Variants in ARFGEF3 observed in about 807,000 individuals in gnomAD.
ARFGEF3 encodes the protein ARFGEF family member 3.
In ARFGEF3, 96 loss-of-function variants were observed where a neutral mutation model predicts 221.7. The ratio of observed to expected loss-of-function variants is 0.43; its 90% CI spans 0.37 to 0.51. ARFGEF3 has a LOEUF of 0.51. ARFGEF3 is among the 20% of genes least tolerant of loss of function. ARFGEF3 has a pLI of 0.00. For synonymous variants in ARFGEF3, 1,145 were observed against 1,126.8 expected (o/e 1.02, Z -0.32); for missense variants, 2,410 against 2,789.9 (o/e 0.86, Z 3.07).
At chr6:138,329,390 C>T (rs923392223) in intron 32 of ARFGEF3, among the ~76,000 whole-genome samples, 7 of 152,104 alleles carry the variant, frequency 4.6e-5, no homozygotes, top group Admixed American at 1.3e-4. Context: ...CTGGGCTGGG[C>T]GCAATGGCTC....
At chr6:138,293,041 A>G (rs548055241) in intron 19 of ARFGEF3, among the ~76,000 whole-genome samples, 29 of 152,384 alleles carry the variant, frequency 1.9e-4, no homozygotes, top group African/African-American at 6.7e-4. Context: ...ATTTGTTTCA[A>G]TAATTTATAA....
At chr6:138,325,951 G>T (rs568766383) in intron 31 of ARFGEF3, among the ~76,000 whole-genome samples, 1 of 152,028 alleles carries the variant, frequency 6.6e-6, no homozygotes, top group South Asian at 2.1e-4. Flanking sequence ...TCTACCTCCA[G>T]GTTCAAGTGA....
At chr6:138,170,781 T>C (rs1275584596) in intron 2 of ARFGEF3, 68 bp downstream of exon 2, 14 of 907,318 alleles carry the variant, frequency 1.5e-5, no homozygotes, top group South Asian at 1.5e-4. Context: ...GATAACCACA[T>C]TGGTTTACAG....
chr6:138,335,095 C>T lies in ARFGEF3; in HGVS notation c.6249C>T (p.Gly2083=). 6.2e-7 allele frequency: 1 copy of T among 1,600,860 alleles called. No individual in the cohort carries two copies. ...QGQMRHSFSA[G]PELLRQDKRP... ...AAATGCGGCATTCCTTCAGCGCAGGCCCCGAGCTGCTGCGACAGGACAAGA... is the reference window on the plus strand; with the variant it reads ...AAATGCGGCATTCCTTCAGCGCAGGTCCCGAGCTGCTGCGACAGGACAAGA... The change falls in exon 33 of 34, where the codon GGC becomes GGT. Residue 2083 remains glycine, a synonymous_variant. Coordinates refer to ENST00000251691, the MANE Select transcript of ARFGEF3 (RefSeq NM_020340.5).
chr6:138,237,164 C>A (rs929102102), intron 5 of ARFGEF3, among the ~76,000 whole-genome samples: 5 of 152,084 alleles, frequency 3.3e-5, no homozygotes, highest in Non-Finnish European at 7.4e-5. Context: ...TGAGGCCTGG[C>A]AGAAAATTCT....
intron 17 of ARFGEF3, among the ~76,000 whole-genome samples, chr6:138,289,161 C>T (rs969255939): frequency 6.6e-6 from 1 of 152,176 alleles, no homozygotes; most frequent in Non-Finnish European, 1.5e-5. Flanking sequence ...CCATGTTGTT[C>T]AGGCTGGTCT....
chr6:138,253,780 T>A, intron 8 of ARFGEF3, 100 bp from the exon 9 acceptor site: 1 of 904,294 alleles, frequency 1.1e-6, no homozygotes, highest in Admixed American at 2.1e-5. Flanking sequence ...ACTAGCACTT[T>A]AGTAACGCCT....
chr6:138,209,773 C>A (rs968479990), intron 3 of ARFGEF3, 137 bp from the exon 4 acceptor site: 21 of 1,075,068 alleles, frequency 2.0e-5, no homozygotes, highest in Admixed American at 4.8e-5. Flanking sequence ...CGGCACATAG[C>A]GTAAGTTCTT....
Position 138,334,631 on chromosome 6 carries a change from C to A in ARFGEF3, c.5785C>A (p.Pro1929Thr), listed in dbSNP as rs528297959. The change falls in exon 33 of 34, where the codon CCT (proline) becomes ACT (threonine). Residue 1929 changes from proline (P) to threonine (T), a missense_variant. By Grantham distance (38) the Pro-to-Thr change is conservative. Transcript: ENST00000251691. This position sits in a 1 kb window ranked among gnomAD's most constrained non-coding sequence, Gnocchi z 5.1. ...GGACCTGGAGAACTGTATGGAGGAG[C>A]CTCCCATCTTCAAGGGCGACCCGTT... ...HLDLENCMEEPPIFKGDPFFI... is the reference protein window; with the variant it reads ...HLDLENCMEETPIFKGDPFFI... The A allele has an allele frequency of 2.5e-6, 4 of 1,613,526 alleles. No homozygotes were observed. The highest frequency in any genetic ancestry group is 3.4e-6 in the Non-Finnish European group (4 of 1,179,854).
In ARFGEF3 at chr6:138,162,256, G is replaced by A; in HGVS notation, c.85+85G>A. The A allele has an allele frequency of 5.1e-6, 5 of 972,222 alleles. No individual in the cohort carries two copies. The highest frequency in any genetic ancestry group is 7.5e-6 in the Non-Finnish European group (5 of 664,420). 60.2% of individuals were successfully genotyped at this position (972,222 alleles called of 1,614,324 possible). ...CGCCTCCGCGCGTGGGGCTTTCGCG[G>A]AGCGTCGGTCATGGGTGCCGTTCTG... On this transcript the variant is annotated intron_variant, in intron 1 of 33. Transcript: ENST00000251691. This position sits in a 1 kb window ranked among gnomAD's most constrained non-coding sequence, Gnocchi z 4.7.
intron 10 of ARFGEF3, 71 bp downstream of exon 10, chr6:138,255,840 C>T: frequency 7.7e-7 from 1 of 1,297,428 alleles, no homozygotes; most frequent in Non-Finnish European, 1.0e-6. Context: ...ACAAGAAGCG[C>T]TCAGAAAAGG....
chr6:138,235,194 A>C (rs1050665984), intron 5 of ARFGEF3, among the ~76,000 whole-genome samples: 3 of 151,772 alleles, frequency 2.0e-5, no homozygotes, highest in Non-Finnish European at 4.4e-5. Flanking sequence ...TTTTCCTTCT[A>C]CTTTTGGGGT....
At chr6:138,311,031 C>T (rs887409991) in intron 24 of ARFGEF3, among the ~76,000 whole-genome samples, 8 of 152,212 alleles carry the variant, frequency 5.3e-5, no homozygotes, top group Non-Finnish European at 8.8e-5. Context: ...CTCCATCCAA[C>T]AGCAGGTCCC....
chr6:138,286,449 CAAAAAAA>C (rs960871572), intron 15 of ARFGEF3, among the ~76,000 whole-genome samples: 2 of 56,564 alleles, frequency 3.5e-5, no homozygotes, highest in Non-Finnish European at 7.5e-5. Context: ...GACTCCGTCT[CAAAAAAA>C]AAAAAAAAAA....
At position 138,336,457 on chromosome 6, in the gene ARFGEF3, G is replaced by T. The variant is rs1196461017; in HGVS notation, c.6505G>T (p.Val2169Leu). 3.7e-6 allele frequency: 6 copies of T among 1,611,510 alleles called. No individual in the cohort carries two copies. Among genetic ancestry groups the T allele is most frequent in the South Asian group, 1.1e-5 (1 of 90,496 alleles). ...RQAVREWLGR[V>L]GRVYDIIV ...GGCTGTGAGGGAGTGGCTGGGCAGG[G>T]TGGGCCGTGTCTATGACATCATTGT... The change falls in exon 34 of 34, where the codon GTG (valine) becomes TTG (leucine). Residue 2169 changes from valine (V) to leucine (L), a missense_variant. Coordinates refer to ENST00000251691, the MANE Select transcript of ARFGEF3 (RefSeq NM_020340.5).
chr6:138,223,726 A>T (rs1388299700), intron 4 of ARFGEF3, among the ~76,000 whole-genome samples: 1 of 152,086 alleles, frequency 6.6e-6, no homozygotes, highest in Non-Finnish European at 1.5e-5. Context: ...CCCTAGGTTT[A>T]ATTTATTATA....
intron 1 of ARFGEF3, among the ~76,000 whole-genome samples, chr6:138,164,309 A>G (rs1776678278): frequency 6.6e-6 from 1 of 152,138 alleles, no homozygotes; most frequent in South Asian, 2.1e-4. Context: ...GTCACTCCCC[A>G]ACCAAGATTC....
At chr6:138,178,347 T>C (rs1776997077) in intron 2 of ARFGEF3, among the ~76,000 whole-genome samples, 1 of 152,196 alleles carries the variant, frequency 6.6e-6, no homozygotes, top group African/African-American at 2.4e-5. Context: ...TGTTGAGCAC[T>C]AAAATGTTAG....
At chr6:138,240,539 C>G (rs1019452182) in intron 6 of ARFGEF3, among the ~76,000 whole-genome samples, 24 of 152,160 alleles carry the variant, frequency 1.6e-4, no homozygotes, top group Admixed American at 1.6e-3. Context: ...TAGAGGCTGT[C>G]TGTCTCCATC....
Sources: gnomAD v4.1 joint callset for allele counts (sites outside exome capture counted in the v4.1 genomes callset) on GRCh38, gnomAD v4.1.1 for gene constraint, Gnocchi (gnomAD v3.1) non-coding constraint, MANE v1.5 for transcripts, NCBI Gene and HGNC (gene_info 2026-07-23, HGNC 2026-07-21) for gene names.